MAK: variants seen among roughly 807,000 people sequenced by gnomAD.
MAK encodes the protein serine/threonine-protein kinase MAK.
In MAK, 65 loss-of-function variants were observed where a neutral mutation model predicts 82.6. That is an observed-to-expected ratio of 0.79 (90% CI 0.64 to 0.97). The LOEUF (loss-of-function observed/expected upper bound fraction) is 0.97, where lower values mean the gene tolerates loss of function less well. Among genes scored for constraint, MAK ranks in the 50% least tolerant of loss-of-function variants. The probability of loss-of-function intolerance (pLI) is 0.00; values close to 1 mark genes in which losing one functional copy is unlikely to be tolerated. For synonymous variants in MAK, 250 were observed against 274.2 expected (o/e 0.91, Z 0.87); for missense variants, 703 against 780.2 (o/e 0.90, Z 1.18).
intron 8 of MAK, among the ~76,000 whole-genome samples, chr6:10,796,798 T>A (rs1210036457): frequency 1.2e-5 from 1 of 82,890 alleles, no homozygotes; most frequent in African/African-American, 5.5e-5. Flanking sequence ...ACAGCGAGAC[T>A]CCACCTCAAA....
intron 2 of MAK, 121 bp from the exon 3 acceptor site, chr6:10,819,061 CATCCTT>C: frequency 1.4e-6 from 1 of 691,840 alleles, no homozygotes. Context: ...TCTCTGTCCT[CATCCTT>C]ATAAGGAAAT....
intron 14 of MAK, among the ~76,000 whole-genome samples, chr6:10,766,849 A>G: frequency 6.6e-6 from 1 of 152,192 alleles, no homozygotes; most frequent in Non-Finnish European, 1.5e-5. Flanking sequence ...GATATCACCT[A>G]AGTCCTAAAT....
At chr6:10,766,653 T>C (rs1315886819) in intron 14 of MAK, among the ~76,000 whole-genome samples, 1 of 152,032 alleles carries the variant, frequency 6.6e-6, no homozygotes, top group East Asian at 1.9e-4. Context: ...GGGCCACAGG[T>C]CAAACTGGTA....
chr6:10,822,440 G>C (rs1246297230), intron 2 of MAK, among the ~76,000 whole-genome samples: 1 of 150,086 alleles, frequency 6.7e-6, no homozygotes, highest in Non-Finnish European at 1.5e-5. Flanking sequence ...AGCAACAAGA[G>C]CAAAACTCCG....
intron 9 of MAK, among the ~76,000 whole-genome samples, chr6:10,795,300 G>A (rs10085218): frequency 0.037 from 5,585 of 151,632 alleles, 312 homozygotes; most frequent in African/African-American, 0.12. Context: ...AAATTAGCTG[G>A]GTGTGGTGGT....
Position 10,813,320 on chromosome 6 carries a change from T to C in MAK, c.358+324A>G, listed in dbSNP as rs545267143. ...CCCGCCACCACGCCCAGCTAATTTT[T>C]GTATTTTTTTTTAACAGAGACAGGG... On this transcript the variant is annotated intron_variant, in intron 5 of 14. Transcript: ENST00000354489. 2.6e-3 allele frequency among the ~76,000 whole-genome samples: 365 copies of C among 139,262 alleles called. 3 individuals are homozygous for C. The highest frequency in any genetic ancestry group is 9.1e-3 in the African/African-American group (342 of 37,598). The allele number at this position is 139,262 out of a possible 152,430, so 91.4% of individuals were successfully genotyped here.
At chr6:10,810,640 G>A (rs533842539) in intron 5 of MAK, among the ~76,000 whole-genome samples, 14 of 151,926 alleles carry the variant, frequency 9.2e-5, no homozygotes, top group African/African-American at 3.1e-4. Context: ...CGGCCAGCTG[G>A]GGTTGGGAAG....
At chr6:10,822,955 A>G (rs1478755683) in intron 2 of MAK, among the ~76,000 whole-genome samples, 1 of 152,212 alleles carries the variant, frequency 6.6e-6, no homozygotes, top group Non-Finnish European at 1.5e-5. Flanking sequence ...AAACTCCCCA[A>G]AGGAAACATT....
chr6:10,764,379 A>C lies in MAK; in HGVS notation c.*73T>G. ...GAACTCAGTAGAAATAGACATTTGT[A>C]GACATTTCCCAGGGTCAAGGAACTT... On this transcript the variant is annotated 3_prime_UTR_variant, in exon 15 of 15. Transcript: ENST00000354489. 6.7e-7 allele frequency: 1 copy of C among 1,498,248 alleles called. No homozygotes were observed. The allele number at this position is 1,498,248 out of a possible 1,614,324, so 92.8% of individuals were successfully genotyped here. A position where few individuals can be genotyped will look rare whatever the true frequency, so the allele number is the denominator to read the frequency against.
chr6:10,786,993 TATTCACCACTCC>T (rs1328254198), intron 10 of MAK, among the ~76,000 whole-genome samples: 5 of 127,920 alleles, frequency 3.9e-5, no homozygotes, highest in African/African-American at 1.4e-4. Context: ...GTTCACCTCC[TATTCACCACTCC>T]GCTAATGCAC....
chr6:10,763,389 A>T lies in MAK; in HGVS notation c.*1063T>A, dbSNP rs1772113509. ...TTCTTAATGATGTCCAGCCAAGAGA[A>T]CCTTGACTTGGTTACTATTGAAGTC... On this transcript the variant is annotated 3_prime_UTR_variant, in exon 15 of 15. Coordinates refer to ENST00000354489, the MANE Select transcript of MAK (RefSeq NM_001242957.3). 1 of 152,172 alleles carries T rather than the reference A, an allele frequency of 6.6e-6. No homozygotes were observed. The highest frequency in any genetic ancestry group is 1.5e-5 in the Non-Finnish European group (1 of 68,048). The allele number at this position is 152,172 out of a possible 1,614,324, so 9.4% of individuals were successfully genotyped here.
chr6:10,765,480 G>C (rs1288915305), intron 14 of MAK, among the ~76,000 whole-genome samples: 1 of 129,846 alleles, frequency 7.7e-6, no homozygotes, highest in Non-Finnish European at 1.5e-5. Flanking sequence ...TTTTAATGAG[G>C]CAGAGTTTCG....
rs3064109 is a variant in MAK, at chr6:10,815,912, G to GTATATATATATATATATATA, written c.278+1918_278+1937dup. On this transcript the variant is annotated intron_variant, in intron 4 of 14. Coordinates refer to ENST00000354489, the MANE Select transcript of MAK (RefSeq NM_001242957.3). Reference sequence around the variant, plus strand: ...TACTGTATTAGTGTAGCTTTATACAGTATATATATATATATATATATATAT... The same window carrying GTATATATATATATATATATA: ...TACTGTATTAGTGTAGCTTTATACAGTATATATATATATATATATATATATATATATATATATATATATAT... Among the ~76,000 whole-genome samples, 63 of 108,296 alleles carry GTATATATATATATATATATA rather than the reference G, an allele frequency of 5.8e-4. 1 individual carries two copies. The highest frequency in any genetic ancestry group is 1.6e-3 in the African/African-American group (36 of 21,824). The allele number at this position is 108,296 out of a possible 152,430, so 71.0% of individuals were successfully genotyped here. A position where few individuals can be genotyped will look rare whatever the true frequency, so the allele number is the denominator to read the frequency against.
chr6:10,829,961 T>C (rs1225628570), intron 2 of MAK, among the ~76,000 whole-genome samples: 1 of 151,926 alleles, frequency 6.6e-6, no homozygotes, highest in Non-Finnish European at 1.5e-5. Flanking sequence ...CTCAGCCTCC[T>C]GAGTAGCTGG....
chr6:10,831,782 A>G (rs1244403587), intron 1 of MAK, among the ~76,000 whole-genome samples: 2 of 152,256 alleles, frequency 1.3e-5, no homozygotes, highest in Middle Eastern at 3.4e-3. Context: ...TAAAAAGGGA[A>G]GTAGAGCCTG....
intron 6 of MAK, among the ~76,000 whole-genome samples, chr6:10,804,304 G>T (rs1389059035): frequency 3.3e-5 from 5 of 152,084 alleles, no homozygotes; most frequent in Non-Finnish European, 7.4e-5. Context: ...TTTTTTATCA[G>T]TTTGAAAGTA....
At chr6:10,774,606 A>T (rs1181630387) in intron 12 of MAK, among the ~76,000 whole-genome samples, 8 of 151,760 alleles carry the variant, frequency 5.3e-5, no homozygotes, top group South Asian at 4.2e-4. Flanking sequence ...CTGATCTCAT[A>T]AAAAAAAATT....
chr6:10,804,757 A>G (rs1776279252), intron 6 of MAK, among the ~76,000 whole-genome samples: 1 of 152,162 alleles, frequency 6.6e-6, no homozygotes, highest in African/African-American at 2.4e-5. Context: ...TTTTCCAACC[A>G]AAATGTGTAA....
At chr6:10,838,127 C>G (rs117947917) in intron 1 of MAK, 3 of 152,734 alleles carry the variant, frequency 2.0e-5, no homozygotes, top group East Asian at 1.9e-4. Flanking sequence ...AGCAGGGGAG[C>G]AGAGGTGGGA....
Sources: allele counts gnomAD v4.1 joint callset (sites outside exome capture counted in the v4.1 genomes callset), GRCh38; gene constraint gnomAD v4.1.1; transcripts MANE v1.5; gene names NCBI Gene and HGNC (gene_info 2026-07-23, HGNC 2026-07-21).